Variants in DNAJC13 observed in about 807,000 individuals in gnomAD.
DNAJC13 encodes DnaJ heat shock protein family (Hsp40) member C13.
In DNAJC13, 75 loss-of-function variants were observed where a neutral mutation model predicts 290.5. The observed-to-expected ratio is 0.26, with a 90% CI of 0.21 to 0.31. DNAJC13 has a LOEUF of 0.31. Ranked by LOEUF, DNAJC13 falls within the 10% of genes least tolerant of loss-of-function variation. The probability of loss-of-function intolerance (pLI) is 1.00; values close to 1 mark genes in which losing one functional copy is unlikely to be tolerated. For missense variants in DNAJC13, 2,260 were observed against 2,674.5 expected (o/e 0.85, Z 3.42); for synonymous variants, 862 against 892.0 (o/e 0.97, Z 0.60).
chr3:132,454,146 T>C lies in DNAJC13; in HGVS notation c.921T>C (p.Ser307=). Residue 307 remains serine (S), a synonymous_variant, in exon 9 of 56, where the codon TCT becomes TCC. Transcript: ENST00000260818. ...TAAAAGGGCAAGTACGGAAATATTC[T>C]TCAACAGAGAGGTATTTTTTTTTTT... The part of the protein sequence containing the change: ...EFIKGQVRKY[S]STERDSLLAS... The C allele has an allele frequency of 6.3e-7, 1 of 1,596,190 alleles. No individual in the cohort carries two copies. The highest frequency in any genetic ancestry group is 8.5e-7 in the Non-Finnish European group (1 of 1,174,524).
chr3:132,466,181 A>G (rs1403108257), intron 18 of DNAJC13, 111 bp downstream of exon 18: 1 of 1,388,016 alleles, frequency 7.2e-7, no homozygotes, highest in Non-Finnish European at 1.0e-6. Context: ...GTTATTTATC[A>G]TAGGAGTTAC....
intron 20 of DNAJC13, among the ~76,000 whole-genome samples, chr3:132,471,319 G>A (rs1262905497): frequency 2.1e-5 from 3 of 144,044 alleles, no homozygotes; most frequent in Non-Finnish European, 4.6e-5. Context: ...CCTCCCGGAC[G>A]GGGCGGCTGG....
rs762566567 is a variant in DNAJC13, at chr3:132,499,155, C to G, written c.4186C>G (p.Pro1396Ala). ...DLQPYKYAGY[P>A]MLIRTITMET... ...ACAGCCTTATAAATATGCAGGATACCCCATGCTTATTCGGACTATAACAAT... is the reference window on the plus strand; with the variant it reads ...ACAGCCTTATAAATATGCAGGATACGCCATGCTTATTCGGACTATAACAAT... The change falls in exon 37 of 56, where the codon CCC becomes GCC. Residue 1396 changes from proline to alanine, a missense_variant. Physicochemically the swap from Pro to Ala is conservative, Grantham distance 27. Transcript: ENST00000260818. 6.2e-7 allele frequency: 1 copy of G among 1,612,168 alleles called. No homozygotes were observed. Among genetic ancestry groups the G allele is most frequent in the Non-Finnish European group, 8.5e-7 (1 of 1,178,822 alleles).
chr3:132,507,973 G>A (rs2369802), intron 43 of DNAJC13, among the ~76,000 whole-genome samples: 91,945 of 152,110 alleles, frequency 0.6, 30,186 homozygotes, highest in East Asian at 0.9. Flanking sequence ...CAAGTTGTGA[G>A]TGCAAAGGAA....
At chr3:132,515,576 G>T (rs1172485147) in intron 46 of DNAJC13, among the ~76,000 whole-genome samples, 1 of 151,838 alleles carries the variant, frequency 6.6e-6, no homozygotes, top group African/African-American at 2.4e-5. Flanking sequence ...CAGTAGCTTT[G>T]TGAGACTTCA....
intron 48 of DNAJC13, among the ~76,000 whole-genome samples, chr3:132,520,363 A>G (rs550461957): frequency 6.6e-6 from 1 of 152,342 alleles, no homozygotes; most frequent in South Asian, 2.1e-4. Flanking sequence ...TAACCTGAAC[A>G]TAACTGGAGA....
At chr3:132,496,784 T>A in intron 36 of DNAJC13, 121 bp downstream of exon 36, 1 of 964,988 alleles carries the variant, frequency 1.0e-6, no homozygotes, top group Non-Finnish European at 1.4e-6. Flanking sequence ...GTTTAAAAGA[T>A]TCTTGGAATT....
Position 132,450,472 on chromosome 3 carries a change from AAACACCTCCAAATAGTTAAAATTAATCAT to A in DNAJC13, c.337-173_337-145del, listed in dbSNP as rs1576466620. Among the ~76,000 whole-genome samples the A allele has an allele frequency of 3.3e-5, 5 of 152,300 alleles. No homozygotes were observed. The East Asian group carries it at 5.8e-4, about 18-fold the overall frequency. On this transcript the variant is annotated intron_variant, in intron 5 of 55. Transcript: ENST00000260818. ...GTCTTCAGTTAGTGTGAACATTCTT[AAACACCTCCAAATAGTTAAAATTAATCAT>A]AGTTTTAACAATTTGGATAGTAGCT...
chr3:132,435,136 G>A (rs539032569), intron 2 of DNAJC13, among the ~76,000 whole-genome samples: 2 of 150,498 alleles, frequency 1.3e-5, no homozygotes, highest in African/African-American at 2.4e-5. Flanking sequence ...CAAAATGTAA[G>A]TGCTTCTGTT....
chr3:132,502,221 C>A, intron 39 of DNAJC13, 68 bp from the exon 40 acceptor site: 1 of 1,357,262 alleles, frequency 7.4e-7, no homozygotes, highest in South Asian at 1.7e-5. Context: ...ACAACCAGTT[C>A]CTCTTGGGAG....
chr3:132,466,006 G>T lies in DNAJC13; in HGVS notation c.1904G>T (p.Arg635Ile). 1 of 1,613,708 alleles carries T rather than the reference G, an allele frequency of 6.2e-7. No individual in the cohort carries two copies. Among genetic ancestry groups the T allele is most frequent in the South Asian group, 1.1e-5 (1 of 91,040 alleles). Residue 635 changes from arginine to isoleucine, a missense_variant, in exon 18 of 56, where the codon AGA becomes ATA. Arg to Ile is a moderately conservative substitution (Grantham distance 97). Coordinates refer to ENST00000260818, the MANE Select transcript of DNAJC13 (RefSeq NM_015268.4). Reference protein sequence around the residue: ...QRMLTNRQLSRHLVGLWTADN... With the variant: ...QRMLTNRQLSIHLVGLWTADN... ...TCTGCTTTTTTCAGACAGCTAAGTAGACATTTAGTGGGACTCTGGACAGCT... is the reference window on the plus strand; with the variant it reads ...TCTGCTTTTTTCAGACAGCTAAGTATACATTTAGTGGGACTCTGGACAGCT...
At position 132,528,147 on chromosome 3, in the gene DNAJC13, C is replaced by A. The variant is rs777762310; in HGVS notation, c.6382-42C>A. On this transcript the variant is annotated intron_variant, in intron 53 of 55. Coordinates refer to ENST00000260818, the MANE Select transcript of DNAJC13 (RefSeq NM_015268.4). ...AATTATTTCTTCAGTGGATGATTTG[C>A]ATTTTTTCTGTGTGTTTATATATGC... The A allele has an allele frequency of 5.0e-6, 8 of 1,604,052 alleles. No individual in the cohort carries two copies. In the South Asian group the frequency reaches 5.5e-5, roughly 11 times the overall value.
intron 15 of DNAJC13, 61 bp downstream of exon 15, chr3:132,461,266 C>T: frequency 6.4e-7 from 1 of 1,562,784 alleles, no homozygotes; most frequent in Non-Finnish European, 8.8e-7. Flanking sequence ...CTTTTAGGAT[C>T]ACTGTTTCTA....
chr3:132,444,586 GT>G (rs1463481948), intron 2 of DNAJC13, among the ~76,000 whole-genome samples: 1 of 152,164 alleles, frequency 6.6e-6, no homozygotes, highest in Admixed American at 6.5e-5. Context: ...AACAAATTCT[GT>G]AGTTTTATTT....
intron 1 of DNAJC13, among the ~76,000 whole-genome samples, chr3:132,425,672 A>C (rs1379834305): frequency 3.3e-5 from 5 of 152,296 alleles, no homozygotes; most frequent in Admixed American, 6.5e-5. Flanking sequence ...TTGTGTAAAA[A>C]TTACTTCCAG....
At position 132,483,664 on chromosome 3, in the gene DNAJC13, T is replaced by A. The variant is rs149349077; in HGVS notation, c.3182+87T>A. On this transcript the variant is annotated intron_variant, in intron 28 of 55. Coordinates refer to ENST00000260818, the MANE Select transcript of DNAJC13 (RefSeq NM_015268.4). Reference sequence around the variant, plus strand: ...TCGGTCTGGTGTTTTAAAACAAAGATGTCCTATTTATGGCCTTGGAGGAAT... The same window carrying A: ...TCGGTCTGGTGTTTTAAAACAAAGAAGTCCTATTTATGGCCTTGGAGGAAT... 1.1e-4 allele frequency: 155 copies of A among 1,348,372 alleles called. 1 individual carries two copies. In the South Asian group the frequency reaches 1.8e-3, roughly 16 times the overall value. 83.5% of individuals were successfully genotyped at this position (1,348,372 alleles called of 1,614,324 possible).
rs755647917 is a variant in DNAJC13, at chr3:132,456,532, C to T, written c.1131C>T (p.Phe377=). Residue 377 remains phenylalanine (F), a synonymous_variant, in exon 11 of 56, where the codon TTC becomes TTT. Coordinates refer to ENST00000260818, the MANE Select transcript of DNAJC13 (RefSeq NM_015268.4). The part of the protein sequence containing the change: ...NGNFADAVFR[F]NANISYSGVL... ...ACTTTGCAGATGCTGTATTCAGGTT[C>T]AATGCTAATATTTCATACAGTGGAG... The T allele has an allele frequency of 6.2e-7, 1 of 1,613,924 alleles. No individual in the cohort carries two copies. Among genetic ancestry groups the T allele is most frequent in the Non-Finnish European group, 8.5e-7 (1 of 1,179,924 alleles).
chr3:132,422,673 A>T (rs925592181), intron 1 of DNAJC13, among the ~76,000 whole-genome samples: 1 of 152,248 alleles, frequency 6.6e-6, no homozygotes, highest in African/African-American at 2.4e-5. Flanking sequence ...CATGGTTATG[A>T]TCATCTTTGC....
chr3:132,470,476 T>G (rs1248327159), intron 20 of DNAJC13, among the ~76,000 whole-genome samples: 1 of 103,194 alleles, frequency 9.7e-6, no homozygotes, highest in African/African-American at 4.2e-5. Flanking sequence ...ATTGTCATCC[T>G]GGCCCGTTCT....
Sources: gnomAD v4.1 joint callset for allele counts (sites outside exome capture counted in the v4.1 genomes callset) on GRCh38, gnomAD v4.1.1 for gene constraint, MANE v1.5 for transcripts, NCBI Gene and HGNC (gene_info 2026-07-23, HGNC 2026-07-21) for gene names.